PCDHGB6: variants seen among roughly 807,000 people sequenced by gnomAD.
The protein encoded by PCDHGB6 is protocadherin gamma-B6.
PCDHGB6 carries 51 observed loss-of-function variants against 59.1 expected under a neutral mutation model. That is an observed-to-expected ratio of 0.86 (90% CI 0.69 to 1.09). The LOEUF is 1.09. Ranked by LOEUF, PCDHGB6 falls within the 50% of genes least tolerant of loss-of-function variation. The pLI is 0.00. For synonymous variants in PCDHGB6, 466 were observed against 495.1 expected (o/e 0.94, Z 0.78); for missense variants, 1,148 against 1,205.1 (o/e 0.95, Z 0.70).
At chr5:141,508,662 T>G (rs2099870759) in intron 3 of PCDHGB6, among the ~76,000 whole-genome samples, 1 of 152,122 alleles carries the variant, frequency 6.6e-6, no homozygotes, top group Non-Finnish European at 1.5e-5. Context: ...CCTGTCATTC[T>G]GTCTCTGCCT....
intron 1 of PCDHGB6, chr5:141,419,142 G>A (rs1351034238): frequency 6.2e-7 from 1 of 1,613,902 alleles, no homozygotes; most frequent in Non-Finnish European, 8.5e-7. Context: ...ACAGACAGGG[G>A]CAAGCCTCCG....
rs372994272 is a variant in PCDHGB6, at chr5:141,485,358, G to C, written c.2419-9449G>C. On this transcript the variant is annotated intron_variant, in intron 1 of 3. Coordinates refer to ENST00000520790, the MANE Select transcript of PCDHGB6 (RefSeq NM_018926.3). This position sits in a 1 kb window ranked among gnomAD's most constrained non-coding sequence, Gnocchi z 5.7. ...CTGGATACGGACAGTCTGTCAGCTC[G>C]CAGGCTGCAGGTCGCTGGAGAGGTG... is the stretch of plus-strand genomic sequence containing the variant. 3.1e-6 allele frequency: 5 copies of C among 1,613,982 alleles called. No homozygotes were observed. Among genetic ancestry groups the C allele is most frequent in the Non-Finnish European group, 4.2e-6 (5 of 1,180,014 alleles).
At position 141,490,551 on chromosome 5, in the gene PCDHGB6, T is replaced by C; in HGVS notation, c.2419-4256T>C. On this transcript the variant is annotated intron_variant, in intron 1 of 3. Coordinates refer to ENST00000520790, the MANE Select transcript of PCDHGB6 (RefSeq NM_018926.3). The surrounding 1 kb of genome is among the most constrained non-coding windows in gnomAD (Gnocchi z 5.4). ...CTGGTTCACCTTCCCTACACAAACA[T>C]CTCACCATCAGGCTCAACATTTCAG... 1 of 1,614,088 alleles carries C rather than the reference T, an allele frequency of 6.2e-7. No individual in the cohort carries two copies. The highest frequency in any genetic ancestry group is 1.1e-5 in the South Asian group (1 of 91,086).
At chr5:141,475,762 G>A (rs4151701) in intron 1 of PCDHGB6, among the ~76,000 whole-genome samples, 9,255 of 152,346 alleles carry the variant, frequency 0.061, 562 homozygotes, top group African/African-American at 0.16. Context: ...CACCGATACT[G>A]GCAAGGCGCT....
At chr5:141,478,712 G>T in intron 1 of PCDHGB6, 1 of 1,547,046 alleles carries the variant, frequency 6.5e-7, no homozygotes, top group Non-Finnish European at 8.7e-7. Flanking sequence ...TTTGTGAGAT[G>T]GTGGCCTGCC....
intron 3 of PCDHGB6, among the ~76,000 whole-genome samples, chr5:141,509,419 T>C (rs2154594533): frequency 6.6e-6 from 1 of 152,216 alleles, no homozygotes; most frequent in South Asian, 2.1e-4. Flanking sequence ...CGAGCCCCAA[T>C]GAGTCAAACT....
At chr5:141,419,689 G>T in intron 1 of PCDHGB6, 1 of 1,613,000 alleles carries the variant, frequency 6.2e-7, no homozygotes, top group African/African-American at 1.3e-5. Context: ...ACGTGGTGCA[G>T]GCCAGTGAGC....
At position 141,476,764 on chromosome 5, in the gene PCDHGB6, G is replaced by A. The variant is rs570982273; in HGVS notation, c.2419-18043G>A. 1.2e-6 allele frequency: 2 copies of A among 1,613,794 alleles called. No homozygotes were observed. Reference sequence around the variant, plus strand: ...CTAGTCTCCAGTTAGTGCTGACGGCGTTGGACGGAGGGACCCCAGCTCTCT... The same window carrying A: ...CTAGTCTCCAGTTAGTGCTGACGGCATTGGACGGAGGGACCCCAGCTCTCT... On this transcript the variant is annotated intron_variant, in intron 1 of 3. Coordinates refer to ENST00000520790, the MANE Select transcript of PCDHGB6 (RefSeq NM_018926.3). The surrounding 1 kb of genome is among the most constrained non-coding windows in gnomAD (Gnocchi z 7.6).
rs769745022 is a variant in PCDHGB6, at chr5:141,409,282, A to G, written c.1080A>G (p.Ser360=). ...TSLSDQILEN[S]PPGMVVALFK... ...TCTCTGATCAGATTTTGGAGAATTC[A>G]CCTCCAGGAATGGTTGTTGCCCTCT... The change falls in exon 1 of 4, where the codon TCA becomes TCG. Residue 360 remains serine (S), a synonymous_variant. Transcript: ENST00000520790. The G allele has an allele frequency of 6.2e-7, 1 of 1,613,958 alleles. No individual in the cohort carries two copies. The highest frequency in any genetic ancestry group is 2.2e-5 in the East Asian group (1 of 44,874).
At chr5:141,462,627 A>T (rs1200455153) in intron 1 of PCDHGB6, among the ~76,000 whole-genome samples, 1 of 150,276 alleles carries the variant, frequency 6.7e-6, no homozygotes, top group East Asian at 1.9e-4. Flanking sequence ...TAGAAGTTCC[A>T]TTTGACTCTT....
intron 3 of PCDHGB6, among the ~76,000 whole-genome samples, chr5:141,506,189 G>A (rs529165145): frequency 3.6e-4 from 55 of 152,262 alleles, no homozygotes; most frequent in African/African-American, 1.1e-3. Flanking sequence ...GGTGGCTCAC[G>A]CCTGTAATCC....
chr5:141,458,413 G>T lies in PCDHGB6; in HGVS notation c.2419-36394G>T, dbSNP rs138479316. On this transcript the variant is annotated intron_variant, in intron 1 of 3. Coordinates refer to ENST00000520790, the MANE Select transcript of PCDHGB6 (RefSeq NM_018926.3). ...TCCCCCTTGCAGAGACGGAGCGGGG[G>T]TTCCAAAGCTGAAAGAGGAGGTCCC... Among the ~76,000 whole-genome samples the T allele has an allele frequency of 9.0e-4, 137 of 152,196 alleles. 5 individuals carry two copies. The East Asian group carries it at 0.026, about 28-fold the overall frequency.
chr5:141,500,144 C>T (rs2099796717), intron 2 of PCDHGB6, among the ~76,000 whole-genome samples: 1 of 151,426 alleles, frequency 6.6e-6, no homozygotes, highest in South Asian at 2.1e-4. Context: ...CTAAACTTTT[C>T]TTTGTGTAAT....
At chr5:141,423,821 C>A (rs2096784513) in intron 1 of PCDHGB6, 1 of 1,272,728 alleles carries the variant, frequency 7.9e-7, no homozygotes, top group Admixed American at 3.9e-5. Context: ...TTTACTTTGC[C>A]TTTCATGAGA....
chr5:141,413,227 G>T (rs552225139), intron 1 of PCDHGB6: 2 of 1,613,938 alleles, frequency 1.2e-6, no homozygotes, highest in South Asian at 2.2e-5. Flanking sequence ...CAGCGGGCTG[G>T]TCCTGCTCTG....
rs1454395834 is a variant in PCDHGB6, at chr5:141,413,223, G to A, written c.2418+2603G>A. The stretch of plus-strand genomic sequence containing the variant: ...CAAAGGAATCAAAGGATTGCAGCGG[G>A]CTGGTCCTGCTCTGCCTTTTCTTCG... On this transcript the variant is annotated intron_variant, in intron 1 of 3. Transcript: ENST00000520790. 4 of 1,613,694 alleles carry A rather than the reference G, an allele frequency of 2.5e-6. No individual in the cohort carries two copies. In the African/African-American group the frequency reaches 4.0e-5, roughly 16 times the overall value.
chr5:141,438,627 TATATATATACACACAC>T (rs1396288881), intron 1 of PCDHGB6, among the ~76,000 whole-genome samples: 69 of 48,002 alleles, frequency 1.4e-3, no homozygotes, highest in Admixed American at 2.8e-3. Flanking sequence ...TATATATATA[TATATATATACACACAC>T]ACACACACAT....
In PCDHGB6 at chr5:141,409,198, A is replaced by T; in HGVS notation, c.996A>T (p.Lys332Asn). ...GAGGTGGTCTCTCTACCCAGTGTAA[A>T]GTAATCATAGAAATCCTTGATGAAA... Reference protein sequence around the residue: ...KDGGGLSTQCKVIIEILDEND... With the variant: ...KDGGGLSTQCNVIIEILDEND... Residue 332 changes from lysine to asparagine, a missense_variant, in exon 1 of 4, where the codon AAA becomes AAT. This residue lies in a region of PCDHGB6 where 549 missense variants were observed against 527.5 expected (regional missense o/e 1.04). Transcript: ENST00000520790. The T allele has an allele frequency of 6.2e-7, 1 of 1,614,010 alleles. No individual in the cohort carries two copies. The highest frequency in any genetic ancestry group is 1.1e-5 in the South Asian group (1 of 91,076).
chr5:141,465,979 G>A (rs779605313), intron 1 of PCDHGB6, among the ~76,000 whole-genome samples: 9 of 151,846 alleles, frequency 5.9e-5, no homozygotes, highest in Non-Finnish European at 1.3e-4. Flanking sequence ...AAAATTAGCC[G>A]GGCATGGTGG....
Sources: allele counts gnomAD v4.1 joint callset (sites outside exome capture counted in the v4.1 genomes callset), GRCh38; gene constraint gnomAD v4.1.1; regional missense constraint gnomAD v4.1.1; non-coding constraint Gnocchi (gnomAD v3.1); transcripts MANE v1.5; gene names NCBI Gene and HGNC (gene_info 2026-07-23, HGNC 2026-07-21).